The following LAMA4 variants were observed in gnomAD, a reference collection of about 807,000 sequenced individuals.
The protein encoded by LAMA4 is laminin subunit alpha-4.
A neutral mutation model predicts 207.1 loss-of-function variants in LAMA4; 127 were observed. The ratio of observed to expected loss-of-function variants is 0.61; its 90% CI spans 0.53 to 0.71. LAMA4 has a LOEUF of 0.71. Ranked by LOEUF, LAMA4 falls within the 30% of genes least tolerant of loss-of-function variation. The probability of loss-of-function intolerance (pLI) is 0.00; values close to 1 mark genes in which losing one functional copy is unlikely to be tolerated. For missense variants in LAMA4, 2,093 were observed against 2,246.5 expected (o/e 0.93, Z 1.38); for synonymous variants, 761 against 816.0 (o/e 0.93, Z 1.15).
intron 2 of LAMA4, chr6:112,218,102 A>T (rs1784731058): frequency 6.6e-6 from 1 of 152,164 alleles, no homozygotes; most frequent in Non-Finnish European, 1.5e-5. Flanking sequence ...ATGACCCATA[A>T]AATTGATCTG....
At chr6:112,157,952 C>G (rs1780819106) in intron 14 of LAMA4, 1 of 152,088 alleles carries the variant, frequency 6.6e-6, no homozygotes. Context: ...TTTTGGCAAT[C>G]AAGAATAAGA....
At chr6:112,156,872 T>A (rs1281762593) in intron 14 of LAMA4, among the ~76,000 whole-genome samples, 2 of 152,184 alleles carry the variant, frequency 1.3e-5, no homozygotes, top group African/African-American at 2.4e-5. Flanking sequence ...AAGTCTATAA[T>A]CATTCTACCC....
At chr6:112,147,954 T>C (rs1780133421) in intron 18 of LAMA4, among the ~76,000 whole-genome samples, 1 of 152,214 alleles carries the variant, frequency 6.6e-6, no homozygotes, top group Non-Finnish European at 1.5e-5. Context: ...ATACGAAATA[T>C]ATGTATGTTT....
intron 2 of LAMA4, among the ~76,000 whole-genome samples, chr6:112,245,140 G>A (rs781840172): frequency 3.9e-5 from 6 of 152,170 alleles, no homozygotes; most frequent in Non-Finnish European, 8.8e-5. Flanking sequence ...TAACACTTAG[G>A]TAACACCTTC....
intron 2 of LAMA4, among the ~76,000 whole-genome samples, chr6:112,224,793 G>A (rs1785114083): frequency 6.9e-6 from 1 of 145,476 alleles, no homozygotes; most frequent in Admixed American, 7.1e-5. Context: ...TCCAGCCTGG[G>A]CGACAGAGCA....
intron 20 of LAMA4, 127 bp downstream of exon 20, chr6:112,141,992 G>T: frequency 1.1e-6 from 1 of 869,850 alleles, no homozygotes. Context: ...CCATTAAAAT[G>T]AGATCTTCTG....
intron 2 of LAMA4, among the ~76,000 whole-genome samples, chr6:112,223,699 G>A (rs139307471): frequency 1.3e-4 from 20 of 152,296 alleles, no homozygotes; most frequent in African/African-American, 2.9e-4. Context: ...GTATTTCAGT[G>A]CTATTCTCAC....
At chr6:112,242,219 A>C (rs1786568665) in intron 2 of LAMA4, among the ~76,000 whole-genome samples, 1 of 152,098 alleles carries the variant, frequency 6.6e-6, no homozygotes, top group African/African-American at 2.4e-5. Flanking sequence ...CTGAGCACCC[A>C]GTGTGTGTGT....
rs1554324593 is a variant in LAMA4 at position 112,117,942 on chromosome 6, A to G, written c.4822-44T>C. 3 of 1,577,384 alleles carry G rather than the reference A, an allele frequency of 1.9e-6. No individual in the cohort carries two copies. Among genetic ancestry groups the G allele is most frequent in the East Asian group, 2.3e-5 (1 of 44,402 alleles). On this transcript the variant is annotated intron_variant, in intron 34 of 38. Transcript: ENST00000230538. This position sits in a 1 kb window ranked among gnomAD's most constrained non-coding sequence, Gnocchi z 4.5. ...TCTTAAAATCAATTTTCTCAACACA[A>G]ATGCACCAAGGGGAAGCAAAATGAG...
At chr6:112,156,715 A>G (rs542336043) in intron 14 of LAMA4, among the ~76,000 whole-genome samples, 130 of 152,194 alleles carry the variant, frequency 8.5e-4, no homozygotes, top group African/African-American at 2.9e-3. Flanking sequence ...GACATTGCAG[A>G]TCCCACACTG....
chr6:112,228,674 G>A (rs916143797), intron 2 of LAMA4, among the ~76,000 whole-genome samples: 13 of 152,220 alleles, frequency 8.5e-5, no homozygotes, highest in African/African-American at 2.9e-4. Context: ...TGTGGAGGAG[G>A]GGAGCTTGCC....
rs1583890902 is a variant in LAMA4, at chr6:112,207,241, G to C, written c.298-96C>G. 3 of 1,357,098 alleles carry C rather than the reference G, an allele frequency of 2.2e-6. No individual in the cohort carries two copies. In the East Asian group the frequency reaches 6.9e-5, roughly 31 times the overall value. 84.1% of individuals were successfully genotyped at this position (1,357,098 alleles called of 1,614,324 possible). Reference sequence around the variant, plus strand: ...ATGCAATACTTTTTCAAGCAAAAGGGACATCAGATCAGACAGCACAGACTG... The same window carrying C: ...ATGCAATACTTTTTCAAGCAAAAGGCACATCAGATCAGACAGCACAGACTG... On this transcript the variant is annotated intron_variant, in intron 3 of 38. Transcript: ENST00000230538.
Position 112,175,448 on chromosome 6 carries a change from C to G in LAMA4, c.1222G>C (p.Glu408Gln), listed in dbSNP as rs1201205771. The G allele has an allele frequency of 6.2e-7, 1 of 1,614,074 alleles. No homozygotes were observed. The highest frequency in any genetic ancestry group is 1.3e-5 in the African/African-American group (1 of 74,928). ...INNKMLYYGEEHELSPKEISE... is the reference protein window; with the variant it reads ...INNKMLYYGEQHELSPKEISE... ...ATTTCCTTGGGGCTAAGTTCATGCT[C>G]TTCCCCATAATAGAGCATCTTGTTG... The change falls in exon 11 of 39, where the codon GAG becomes CAG. Residue 408 changes from glutamate to glutamine, a missense_variant. Coordinates refer to ENST00000230538, the MANE Select transcript of LAMA4 (RefSeq NM_001105206.3).
chr6:112,187,680 T>G, intron 7 of LAMA4, 79 bp from the exon 8 acceptor site: 167 of 1,359,076 alleles, frequency 1.2e-4, no homozygotes, highest in Non-Finnish European at 1.6e-4. Context: ...CATAAATCTC[T>G]ATTTCCTTGG....
chr6:112,142,524 A>C (rs1342732478), intron 19 of LAMA4, among the ~76,000 whole-genome samples: 3 of 152,162 alleles, frequency 2.0e-5, no homozygotes, highest in Non-Finnish European at 2.9e-5. Context: ...TAGATCCAAG[A>C]ATGAGGATAA....
chr6:112,171,023 G>C (rs1226145315), intron 12 of LAMA4, among the ~76,000 whole-genome samples: 1 of 152,148 alleles, frequency 6.6e-6, no homozygotes, highest in African/African-American at 2.4e-5. Flanking sequence ...CAGATCAGAG[G>C]GAGTCCTGAA....
chr6:112,134,946 T>A lies in LAMA4; in HGVS notation c.3415-337A>T, dbSNP rs574196837. On this transcript the variant is annotated intron_variant, in intron 25 of 38. Coordinates refer to ENST00000230538, the MANE Select transcript of LAMA4 (RefSeq NM_001105206.3). ...CAGGTGCCACCATTCTCTTTTTTTT[T>A]AAAAAAACAACTTTATTCAAGTCTA... Among the ~76,000 whole-genome samples the A allele has an allele frequency of 3.2e-3, 468 of 146,688 alleles. 1 individual carries two copies. The highest frequency in any genetic ancestry group is 4.5e-3 in the African/African-American group (176 of 39,484).
intron 13 of LAMA4, among the ~76,000 whole-genome samples, chr6:112,164,569 AAGAC>A (rs1554339340): frequency 6.6e-6 from 1 of 152,196 alleles, no homozygotes; most frequent in Non-Finnish European, 1.5e-5. Flanking sequence ...TTTGGAGAGA[AAGAC>A]AGTTTGGTGC....
intron 34 of LAMA4, 60 bp downstream of exon 34, chr6:112,119,096 C>G: frequency 6.4e-7 from 1 of 1,555,254 alleles, no homozygotes; most frequent in Admixed American, 1.7e-5. Context: ...ACGAGGGCCT[C>G]AATTAGATGA....
Sources: gnomAD v4.1 joint callset for allele counts (sites outside exome capture counted in the v4.1 genomes callset) on GRCh38, gnomAD v4.1.1 for gene constraint, Gnocchi (gnomAD v3.1) non-coding constraint, MANE v1.5 for transcripts, NCBI Gene and HGNC (gene_info 2026-07-23, HGNC 2026-07-21) for gene names.